The following HS6ST3 variants were observed in gnomAD, a reference collection of about 807,000 sequenced individuals.
HS6ST3 encodes the protein heparan sulfate 6-O-sulfotransferase 3, also known as heparan-sulfate 6-O-sulfotransferase 3.
Under a neutral mutation model 36.7 loss-of-function variants are expected in HS6ST3, and 12 were observed. That is an observed-to-expected ratio of 0.33 (90% CI 0.21 to 0.53). The LOEUF is 0.53. Among genes scored for constraint, HS6ST3 ranks in the 20% least tolerant of loss-of-function variants. The pLI is 0.95. For missense variants in HS6ST3, 584 were observed against 640.9 expected (o/e 0.91, Z 0.96); for synonymous variants, 240 against 257.5 (o/e 0.93, Z 0.65).
At chr13:96,138,899 A>G (rs1443034979) in intron 1 of HS6ST3, among the ~76,000 whole-genome samples, 4 of 152,112 alleles carry the variant, frequency 2.6e-5, no homozygotes, top group African/African-American at 4.8e-5. Context: ...TGAAGGAAAC[A>G]TCTTAAAATA....
intron 1 of HS6ST3, among the ~76,000 whole-genome samples, chr13:96,605,559 T>G (rs1433154325): frequency 6.6e-6 from 1 of 152,264 alleles, no homozygotes; most frequent in Admixed American, 6.5e-5. Context: ...TTTCTCCATT[T>G]TGCTAACCAG....
intron 1 of HS6ST3, among the ~76,000 whole-genome samples, chr13:96,583,204 C>CT (rs71292889): frequency 0.12 from 6,128 of 52,082 alleles, 1,818 homozygotes; most frequent in Admixed American, 0.16. Flanking sequence ...TTTTTCTTTT[C>CT]TTTTTTTTTT....
chr13:96,772,600 C>T (rs910748386), intron 1 of HS6ST3, among the ~76,000 whole-genome samples: 4 of 152,162 alleles, frequency 2.6e-5, no homozygotes, highest in African/African-American at 7.2e-5. Flanking sequence ...ATTTATTAAG[C>T]ACCTTCTGTG....
rs567478584 is a variant in HS6ST3, at chr13:96,813,510, A to G, written c.708-18980A>G. The stretch of plus-strand genomic sequence containing the variant: ...AACATGTATTTGTTACTCAGTGAAT[A>G]AAAGCTTTATGTCTTTCTCTATCAC... On this transcript the variant is annotated intron_variant, in intron 1 of 1. Transcript: ENST00000376705. Among the ~76,000 whole-genome samples, 5 of 152,310 alleles carry G rather than the reference A, an allele frequency of 3.3e-5. No homozygotes were observed. The East Asian group carries it at 9.7e-4, about 29-fold the overall frequency.
At chr13:96,200,158 G>C (rs767742510) in intron 1 of HS6ST3, among the ~76,000 whole-genome samples, 1 of 152,132 alleles carries the variant, frequency 6.6e-6, no homozygotes, top group Non-Finnish European at 1.5e-5. Context: ...AAAATGTCTG[G>C]CATAGTTGGA....
chr13:96,774,025 C>T lies in HS6ST3; in HGVS notation c.708-58465C>T, dbSNP rs142335573. Among the ~76,000 whole-genome samples the T allele has an allele frequency of 2.4e-3, 359 of 152,314 alleles. 2 individuals carry two copies. The highest frequency in any genetic ancestry group is 7.8e-3 in the African/African-American group (324 of 41,570). On this transcript the variant is annotated intron_variant, in intron 1 of 1. Coordinates refer to ENST00000376705, the MANE Select transcript of HS6ST3 (RefSeq NM_153456.4). ...TGTTCTGCAGCTTCCTCTGGTGATA[C>T]CCAGGCAAACAAGGTCTGGAGTGGA...
chr13:96,546,727 A>T (rs1232764525), intron 1 of HS6ST3, among the ~76,000 whole-genome samples: 1 of 152,184 alleles, frequency 6.6e-6, no homozygotes, highest in Non-Finnish European at 1.5e-5. Flanking sequence ...TTAATGTAAG[A>T]GCGCAAGACA....
intron 1 of HS6ST3, among the ~76,000 whole-genome samples, chr13:96,610,300 G>A (rs1223216369): frequency 6.6e-6 from 1 of 152,120 alleles, no homozygotes; most frequent in Non-Finnish European, 1.5e-5. Context: ...TCAATAAGTG[G>A]TAACTATTTC....
intron 1 of HS6ST3, among the ~76,000 whole-genome samples, chr13:96,380,008 T>C (rs1046666034): frequency 6.6e-6 from 1 of 152,210 alleles, no homozygotes; most frequent in Admixed American, 6.5e-5. Flanking sequence ...CATAGTTTTA[T>C]AACTAAAACT....
intron 1 of HS6ST3, among the ~76,000 whole-genome samples, chr13:96,455,163 G>A (rs1306399449): frequency 6.6e-6 from 1 of 152,116 alleles, no homozygotes; most frequent in Non-Finnish European, 1.5e-5. Context: ...CTCTTAAGAG[G>A]GAAGTAGATC....
At chr13:96,675,377 A>G (rs200727773) in intron 1 of HS6ST3, among the ~76,000 whole-genome samples, 1 of 152,110 alleles carries the variant, frequency 6.6e-6, no homozygotes, top group East Asian at 1.9e-4. Flanking sequence ...ATATATATTT[A>G]TGTCATATTT....
At chr13:96,514,592 G>A (rs529794065) in intron 1 of HS6ST3, among the ~76,000 whole-genome samples, 5 of 152,168 alleles carry the variant, frequency 3.3e-5, no homozygotes, top group South Asian at 4.2e-4. Flanking sequence ...AGCACACAGC[G>A]AGAAGGCGGC....
intron 1 of HS6ST3, among the ~76,000 whole-genome samples, chr13:96,530,529 T>A (rs2056131458): frequency 6.6e-6 from 1 of 150,434 alleles, no homozygotes; most frequent in Non-Finnish European, 1.5e-5. Flanking sequence ...TGGAAACAGG[T>A]ACTCACTTTG....
intron 1 of HS6ST3, among the ~76,000 whole-genome samples, chr13:96,340,971 G>T (rs2055127310): frequency 6.6e-6 from 1 of 152,140 alleles, no homozygotes; most frequent in South Asian, 2.1e-4. Context: ...GGTTGTACAT[G>T]GAAAAATCAA....
chr13:96,676,721 G>T (rs1245660192), intron 1 of HS6ST3, among the ~76,000 whole-genome samples: 1 of 152,124 alleles, frequency 6.6e-6, no homozygotes, highest in Non-Finnish European at 1.5e-5. Context: ...TTATGAACAT[G>T]TTCCTCAGAA....
intron 1 of HS6ST3, among the ~76,000 whole-genome samples, chr13:96,468,115 C>T (rs1331425934): frequency 2.6e-5 from 4 of 152,088 alleles, no homozygotes; most frequent in Non-Finnish European, 5.9e-5. Flanking sequence ...TTTCTTTAAC[C>T]ATACCTTATT....
At chr13:96,443,529 C>CAA (rs10676564) in intron 1 of HS6ST3, among the ~76,000 whole-genome samples, 28,653 of 76,168 alleles carry the variant, frequency 0.38, 4,271 homozygotes, top group South Asian at 0.49. Flanking sequence ...GACTCCGTCT[C>CAA]AAAAAAAAAA....
chr13:96,366,637 G>A (rs1003432584), intron 1 of HS6ST3, among the ~76,000 whole-genome samples: 1 of 151,960 alleles, frequency 6.6e-6, no homozygotes, highest in South Asian at 2.1e-4. Flanking sequence ...ATGCACCCCA[G>A]ACCAATAACA....
At chr13:96,532,183 C>G (rs2056138299) in intron 1 of HS6ST3, among the ~76,000 whole-genome samples, 1 of 152,158 alleles carries the variant, frequency 6.6e-6, no homozygotes, top group African/African-American at 2.4e-5. Flanking sequence ...ACTGAGTCCC[C>G]TATACTTCTG....
Sources: gnomAD v4.1 joint callset for allele counts (sites outside exome capture counted in the v4.1 genomes callset) on GRCh38, gnomAD v4.1.1 for gene constraint, MANE v1.5 for transcripts, NCBI Gene and HGNC (gene_info 2026-07-23, HGNC 2026-07-21) for gene names.